The following ADGRL3 variants were observed in gnomAD, a reference collection of about 807,000 sequenced individuals.
ADGRL3 encodes adhesion G protein-coupled receptor L3, also known as calcium-independent alpha-latrotoxin receptor 3.
Under a neutral mutation model 153.5 loss-of-function variants are expected in ADGRL3, and 62 were observed. The observed-to-expected ratio is 0.40, with a 90% CI of 0.33 to 0.50. The LOEUF (loss-of-function observed/expected upper bound fraction) is 0.50. Among genes scored for constraint, ADGRL3 ranks in the 20% least tolerant of loss-of-function variants. The probability of loss-of-function intolerance (pLI) is 0.47; values close to 1 mark genes in which losing one functional copy is unlikely to be tolerated. For synonymous variants in ADGRL3, 710 were observed against 672.5 expected (o/e 1.06, Z -0.86); for missense variants, 1,641 against 1,859.4 (o/e 0.88, Z 2.16).
Position 61,432,632 on chromosome 4 carries a change from T to TTC in ADGRL3, c.-174+49445_-174+49446dup, listed in dbSNP as rs1368103696. Among the ~76,000 whole-genome samples the TTC allele has an allele frequency of 2.4e-5, 2 of 84,366 alleles. 1 individual carries two copies. The highest frequency in any genetic ancestry group is 4.8e-4 in the East Asian group (2 of 4,184). The allele number at this position is 84,366 out of a possible 152,430, so 55.3% of individuals were successfully genotyped here. ...TTTCTTTCTTTCTTTCTTTCTTTCTTTCTTTCTTTCTTTCTTTCTTTCTTT... is the reference window on the plus strand; with the variant it reads ...TTTCTTTCTTTCTTTCTTTCTTTCTTTCTCTTTCTTTCTTTCTTTCTTTCTTT... On this transcript the variant is annotated intron_variant, in intron 2 of 26. Transcript: ENST00000683033.
chr4:61,442,163 A>G (rs896413771), intron 2 of ADGRL3, among the ~76,000 whole-genome samples: 1 of 152,202 alleles, frequency 6.6e-6, no homozygotes, highest in African/African-American at 2.4e-5. Context: ...TGTTAGTTCA[A>G]GTAAAATATT....
chr4:62,033,711 T>C (rs954219536), intron 23 of ADGRL3, among the ~76,000 whole-genome samples: 12 of 151,838 alleles, frequency 7.9e-5, no homozygotes, highest in Non-Finnish European at 1.6e-4. Flanking sequence ...TTATGATCAG[T>C]CATAACATAC....
chr4:61,372,134 A>C (rs1269976110), intron 1 of ADGRL3, among the ~76,000 whole-genome samples: 9 of 151,744 alleles, frequency 5.9e-5, no homozygotes, highest in Non-Finnish European at 8.8e-5. Flanking sequence ...CATTCTTCTA[A>C]ATTTTTTTGA....
intron 18 of ADGRL3, among the ~76,000 whole-genome samples, chr4:61,980,466 G>T (rs1186749717): frequency 6.6e-6 from 1 of 150,802 alleles, no homozygotes. Context: ...TTGAGAAAAG[G>T]TCTCACTCTG....
intron 1 of ADGRL3, among the ~76,000 whole-genome samples, chr4:61,282,973 C>T (rs898663012): frequency 6.6e-6 from 1 of 152,006 alleles, no homozygotes; most frequent in Non-Finnish European, 1.5e-5. Flanking sequence ...TGTGAAGACC[C>T]TCCTCTTAAT....
intron 3 of ADGRL3, among the ~76,000 whole-genome samples, chr4:61,504,270 C>T (rs569899198): frequency 6.6e-5 from 10 of 152,326 alleles, no homozygotes; most frequent in East Asian, 1.9e-4. Context: ...ACTGGGATTA[C>T]GGGTGTGAAG....
chr4:61,805,636 G>T (rs772502178), intron 8 of ADGRL3, among the ~76,000 whole-genome samples: 2 of 152,084 alleles, frequency 1.3e-5, no homozygotes, highest in Non-Finnish European at 2.9e-5. Flanking sequence ...CTGTTAAATA[G>T]ATGGATAATA....
At chr4:61,392,825 G>C (rs2096829166) in intron 2 of ADGRL3, among the ~76,000 whole-genome samples, 1 of 150,022 alleles carries the variant, frequency 6.7e-6, no homozygotes, top group Non-Finnish European at 1.5e-5. Context: ...ACCAAATTAT[G>C]AAACGATGGA....
chr4:61,930,555 A>G (rs527311991), intron 13 of ADGRL3, among the ~76,000 whole-genome samples: 2 of 152,326 alleles, frequency 1.3e-5, no homozygotes, highest in East Asian at 1.9e-4. Flanking sequence ...ATTATAAAGT[A>G]TATAACATCT....
At chr4:61,974,043 C>T (rs563418221) in intron 17 of ADGRL3, among the ~76,000 whole-genome samples, 44 of 152,152 alleles carry the variant, frequency 2.9e-4, no homozygotes, top group Non-Finnish European at 5.0e-4. Context: ...TCTCGGCTCA[C>T]TGCAACCTCC....
Position 62,037,891 on chromosome 4 carries a change from C to T in ADGRL3, c.3717+35C>T, listed in dbSNP as rs186436070. On this transcript the variant is annotated intron_variant, in intron 24 of 26. Coordinates refer to ENST00000683033, the MANE Select transcript of ADGRL3 (RefSeq NM_001387552.1). ...ATTTGTTCACTGAAATGAAGTAATTCTTAACTATACCAGTTACTGTCCCTT... is the reference window on the plus strand; with the variant it reads ...ATTTGTTCACTGAAATGAAGTAATTTTTAACTATACCAGTTACTGTCCCTT... The T allele has an allele frequency of 3.8e-5, 61 of 1,611,866 alleles. No homozygotes were observed. In the African/African-American group the frequency reaches 7.5e-4, roughly 20 times the overall value.
In ADGRL3 at chr4:61,711,448, A is replaced by G. The variant is rs150339258; in HGVS notation, c.584-19174A>G. On this transcript the variant is annotated intron_variant, in intron 6 of 26. Coordinates refer to ENST00000683033, the MANE Select transcript of ADGRL3 (RefSeq NM_001387552.1). ...AAACCTAACAATACTATCTTAAAAC[A>G]TATGCTTCATTATATATATATATAT... Among the ~76,000 whole-genome samples the G allele has an allele frequency of 2.7e-3, 326 of 119,156 alleles. 7 individuals are homozygous for G. The highest frequency in any genetic ancestry group is 8.9e-3 in the African/African-American group (293 of 32,922). The allele number at this position is 119,156 out of a possible 152,430, so 78.2% of individuals were successfully genotyped here. A position where few individuals can be genotyped will look rare whatever the true frequency, so the allele number is the denominator to read the frequency against.
chr4:61,496,896 G>A (rs1200540763), intron 2 of ADGRL3, among the ~76,000 whole-genome samples: 7 of 151,184 alleles, frequency 4.6e-5, no homozygotes, highest in Non-Finnish European at 8.8e-5. Flanking sequence ...AGCCGAGATC[G>A]CGCCACTGCA....
chr4:61,957,326 G>T (rs2098970971), intron 17 of ADGRL3, among the ~76,000 whole-genome samples: 1 of 151,906 alleles, frequency 6.6e-6, no homozygotes, highest in Non-Finnish European at 1.5e-5. Context: ...TCACGATTTG[G>T]CTCTCTACTT....
chr4:61,549,992 A>G (rs2098732909), intron 4 of ADGRL3, among the ~76,000 whole-genome samples: 2 of 151,966 alleles, frequency 1.3e-5, no homozygotes, highest in African/African-American at 4.8e-5. Context: ...TTGTAGTTTC[A>G]TTATTAAATC....
chr4:61,848,533 T>TA (rs2098164276), intron 9 of ADGRL3, among the ~76,000 whole-genome samples: 1 of 152,058 alleles, frequency 6.6e-6, no homozygotes, highest in South Asian at 2.1e-4. Context: ...GACCTCATCT[T>TA]AATTGAATTA....
chr4:61,327,021 C>A (rs1268336488), intron 1 of ADGRL3, among the ~76,000 whole-genome samples: 1 of 151,830 alleles, frequency 6.6e-6, no homozygotes, highest in Admixed American at 6.6e-5. Context: ...TAGTGTTATA[C>A]AAACACTCCA....
At chr4:61,983,317 T>C (rs555877019) in intron 18 of ADGRL3, 66 bp from the exon 19 acceptor site, 1 of 1,239,828 alleles carries the variant, frequency 8.1e-7, no homozygotes. Context: ...TTAATTTGGT[T>C]TTATGGCAGT....
chr4:61,940,146 G>A (rs2098879104), intron 15 of ADGRL3, among the ~76,000 whole-genome samples: 1 of 103,826 alleles, frequency 9.6e-6, no homozygotes, highest in Non-Finnish European at 1.9e-5. Context: ...TGATCTCATT[G>A]TTCAATTCCC....
Sources: gnomAD v4.1 joint callset for allele counts (sites outside exome capture counted in the v4.1 genomes callset) on GRCh38, gnomAD v4.1.1 for gene constraint, MANE v1.5 for transcripts, NCBI Gene and HGNC (gene_info 2026-07-23, HGNC 2026-07-21) for gene names.